SPTB: variants seen among roughly 807,000 people sequenced by gnomAD.
The protein encoded by SPTB is spectrin beta chain, erythrocytic.
A neutral mutation model predicts 256.2 loss-of-function variants in SPTB; 45 were observed. The observed-to-expected ratio is 0.18, with a 90% CI of 0.14 to 0.23. The LOEUF (loss-of-function observed/expected upper bound fraction) is 0.23, where lower values mean the gene tolerates loss of function less well. SPTB is among the 10% of genes least tolerant of loss of function. The pLI is 1.00. For missense variants in SPTB, 2,715 were observed against 3,040.4 expected, an observed-to-expected ratio of 0.89 and a Z score of 2.52; for synonymous variants, 1,231 against 1,243.1, an observed-to-expected ratio of 0.99 and a Z score of 0.21.
In SPTB at chr14:64,840,948, G is replaced by GAGCTTAT. The variant is rs763978852; in HGVS notation, c.-51-17810_-51-17804dup. Among the ~76,000 whole-genome samples, 78 of 152,306 alleles carry GAGCTTAT rather than the reference G, an allele frequency of 5.1e-4. 1 individual carries two copies. The Middle Eastern group carries it at 0.01, about 20-fold the overall frequency. On this transcript the variant is annotated intron_variant, in intron 1 of 35. Coordinates refer to ENST00000644917, the MANE Select transcript of SPTB (RefSeq NM_001355436.2). ...TATATATGTGTTCCTTAGCCTCAAG[G>GAGCTTAT]AGCTTATAGTCAGGAAGGTAATTTA...
intron 26 of SPTB, 81 bp from the exon 27 acceptor site, chr14:64,771,210 C>T: frequency 6.3e-7 from 1 of 1,598,360 alleles, no homozygotes; most frequent in Non-Finnish European, 8.5e-7. Context: ...AGGGCAGCTA[C>T]CTCCTCCTGG....
Position 64,769,084 on chromosome 14 carries a change from C to T in SPTB, c.5972G>A (p.Arg1991Lys), listed in dbSNP as rs368955956. ...TTCCCACTTCTCATTCATCTCTTTC[C>T]TCCTGGACATCACCTGCTGCAGTTT... ...REKLQQVMSRRKEMNEKWEAR... is the reference protein window; with the variant it reads ...REKLQQVMSRKKEMNEKWEAR... Residue 1991 changes from arginine (R) to lysine (K), a missense_variant, in exon 29 of 36, where the codon AGG becomes AAG. Arg to Lys is a conservative substitution (Grantham distance 26). This residue lies in a region of SPTB where 2,239 missense variants were observed against 2,384.4 expected (regional missense o/e 0.94). Coordinates refer to ENST00000644917, the MANE Select transcript of SPTB (RefSeq NM_001355436.2). The T allele has an allele frequency of 1.7e-5, 28 of 1,613,762 alleles. No individual in the cohort carries two copies. The highest frequency in any genetic ancestry group is 2.4e-5 in the Non-Finnish European group (28 of 1,180,026).
chr14:64,757,878 G>A (rs992151189), intron 32 of SPTB, among the ~76,000 whole-genome samples: 5 of 152,180 alleles, frequency 3.3e-5, no homozygotes, highest in Admixed American at 1.3e-4. Context: ...GCTCTCAGAC[G>A]GAGCTGGCCC....
rs756308980 is a variant in SPTB at position 64,759,003 on chromosome 14, G to C, written c.6346-5210C>G. Reference sequence around the variant, plus strand: ...GAGATGGGGTAGATGAAGCTGATGTGAGAAAAGAGATTCTCAGAATTCTAG... The same window carrying C: ...GAGATGGGGTAGATGAAGCTGATGTCAGAAAAGAGATTCTCAGAATTCTAG... On this transcript the variant is annotated intron_variant, in intron 32 of 35. Transcript: ENST00000644917. This position sits in a 1 kb window ranked among gnomAD's most constrained non-coding sequence, Gnocchi z 4.8. Among the ~76,000 whole-genome samples the C allele has an allele frequency of 6.6e-6, 1 of 152,192 alleles. No homozygotes were observed. Among genetic ancestry groups the C allele is most frequent in the Non-Finnish European group, 1.5e-5 (1 of 68,026 alleles).
intron 1 of SPTB, among the ~76,000 whole-genome samples, chr14:64,868,576 C>T (rs1882333527): frequency 6.6e-6 from 1 of 152,042 alleles, no homozygotes; most frequent in Admixed American, 6.6e-5. Context: ...ATTGGCAATC[C>T]CAACAAGTAA....
At position 64,774,991 on chromosome 14, in the gene SPTB, C is replaced by A; in HGVS notation, c.4842+134G>T. On this transcript the variant is annotated intron_variant, in intron 23 of 35. Transcript: ENST00000644917. ...GAGGCACCAAGGGAGGGCAGGGAGT[C>A]TGTGGGTTCCTTGTGCCCCTCCCCT... 4 of 1,284,132 alleles carry A rather than the reference C, an allele frequency of 3.1e-6. No homozygotes were observed. In the South Asian group the frequency reaches 5.0e-5, roughly 16 times the overall value. The allele number at this position is 1,284,132 out of a possible 1,614,324, so 79.5% of individuals were successfully genotyped here.
rs553224994 is a variant in SPTB, at chr14:64,748,769, G to C, written c.*537C>G. On this transcript the variant is annotated 3_prime_UTR_variant, in exon 36 of 36. Transcript: ENST00000644917. ...CCTGGCCCAGAGCTAGGGCTTTGTGGGCCACCTGAAGGCTCCTTCCTCATG... is the reference window on the plus strand; with the variant it reads ...CCTGGCCCAGAGCTAGGGCTTTGTGCGCCACCTGAAGGCTCCTTCCTCATG... The C allele has an allele frequency of 6.4e-5, 10 of 155,416 alleles. No individual in the cohort carries two copies. Among genetic ancestry groups the C allele is most frequent in the African/African-American group, 2.4e-4 (10 of 41,578 alleles). 9.6% of individuals were successfully genotyped at this position (155,416 alleles called of 1,614,324 possible).
At position 64,766,403 on chromosome 14, in the gene SPTB, G is replaced by A. The variant is rs2082182967; in HGVS notation, c.6345+323C>T. 3.7e-6 allele frequency: 5 copies of A among 1,364,494 alleles called. No individual in the cohort carries two copies. The African/African-American group carries it at 7.3e-5, about 20-fold the overall frequency. 84.5% of individuals were successfully genotyped at this position (1,364,494 alleles called of 1,614,324 possible). ...AATGCACTAATCATCTCTGGCTAGT[G>A]TTTCCCCTCATGTAAATGGTGATAT... On this transcript the variant is annotated intron_variant, in intron 32 of 35. Transcript: ENST00000644917.
At chr14:64,753,342 G>A (rs937491917) in intron 33 of SPTB, among the ~76,000 whole-genome samples, 195 bp downstream of exon 33, 1 of 152,162 alleles carries the variant, frequency 6.6e-6, no homozygotes, top group Non-Finnish European at 1.5e-5. Flanking sequence ...TTCAGGACCA[G>A]AACTGGAGAT....
rs1326438082 is a variant in SPTB, at chr14:64,875,004, G to T, written c.-52+4788C>A. On this transcript the variant is annotated intron_variant, in intron 1 of 35. Coordinates refer to ENST00000644917, the MANE Select transcript of SPTB (RefSeq NM_001355436.2). Reference sequence around the variant, plus strand: ...ATAACATTCAAATGAAAGAAAGGAAGCCCACTTTTGCCCCCACTGCTCACA... The same window carrying T: ...ATAACATTCAAATGAAAGAAAGGAATCCCACTTTTGCCCCCACTGCTCACA... 2.6e-5 allele frequency among the ~76,000 whole-genome samples: 4 copies of T among 152,160 alleles called. No homozygotes were observed. The East Asian group carries it at 7.7e-4, about 29-fold the overall frequency.
intron 32 of SPTB, among the ~76,000 whole-genome samples, chr14:64,761,930 T>C (rs2139456274): frequency 6.6e-6 from 1 of 152,272 alleles, no homozygotes; most frequent in South Asian, 2.1e-4. Context: ...AGTCTCATCC[T>C]GAGGCCATCA....
Position 64,790,887 on chromosome 14 carries a change from G to A in SPTB, c.2804+832C>T, listed in dbSNP as rs146591647. ...CACCCCCTCTCTAAAGGCTCCTTGG[G>A]GCCTATTTTTTGTTCTGGCCACAAA... On this transcript the variant is annotated intron_variant, in intron 15 of 35. Transcript: ENST00000644917. This position sits in a 1 kb window ranked among gnomAD's most constrained non-coding sequence, Gnocchi z 4.8. 1.2e-3 allele frequency among the ~76,000 whole-genome samples: 184 copies of A among 152,250 alleles called. 5 individuals are homozygous for A. The East Asian group carries it at 0.033, about 27-fold the overall frequency.
At position 64,801,792 on chromosome 14, in the gene SPTB, C is replaced by G. The variant is rs74666863; in HGVS notation, c.609G>C (p.Lys203Asn). Residue 203 changes from lysine to asparagine, a missense_variant, in exon 6 of 36, where the codon AAG (lysine) becomes AAC (asparagine). Coordinates refer to ENST00000644917, the MANE Select transcript of SPTB (RefSeq NM_001355436.2). ...TCAGGGCATTAAAGGCCAAGCCATC[C>G]TTCCAGCTGGAGGTAAAGTTGGTGA... ...VNVTNFTSSW[K>N]DGLAFNALIH... 6.2e-7 allele frequency: 1 copy of G among 1,614,222 alleles called. No homozygotes were observed. Among genetic ancestry groups the G allele is most frequent in the South Asian group, 1.1e-5 (1 of 91,078 alleles).
At chr14:64,754,240 G>A (rs2081991890) in intron 32 of SPTB, 6 of 296,210 alleles carry the variant, frequency 2.0e-5, no homozygotes, top group Admixed American at 4.5e-5. Flanking sequence ...ACCACTTATA[G>A]TAGAATGTTG....
At chr14:64,821,872 C>A (rs186132640) in intron 2 of SPTB, among the ~76,000 whole-genome samples, 1 of 152,108 alleles carries the variant, frequency 6.6e-6, no homozygotes, top group Admixed American at 6.5e-5. Flanking sequence ...TCATTATGGT[C>A]CCAGAGGGGT....
rs148502961 is a variant in SPTB at position 64,847,364 on chromosome 14, G to C, written c.-51-24219C>G. Among the ~76,000 whole-genome samples, 2 of 152,280 alleles carry C rather than the reference G, an allele frequency of 1.3e-5. No homozygotes were observed. The highest frequency in any genetic ancestry group is 3.9e-4 in the East Asian group (2 of 5,184). ...ATCAGACAGCCCTCTTCCAAGTGTC[G>C]TATCATGTCTCAGGCTAAGAGGACC... On this transcript the variant is annotated intron_variant, in intron 1 of 35. Transcript: ENST00000644917. The surrounding 1 kb of genome is among the most constrained non-coding windows in gnomAD (Gnocchi z 5.9).
intron 1 of SPTB, among the ~76,000 whole-genome samples, chr14:64,842,027 G>A (rs375148341): frequency 6.6e-6 from 1 of 152,220 alleles, no homozygotes; most frequent in African/African-American, 2.4e-5. Context: ...GTCACACTGA[G>A]CTGCTTGCAA....
At chr14:64,834,615 G>A (rs571930304) in intron 1 of SPTB, among the ~76,000 whole-genome samples, 25 of 151,898 alleles carry the variant, frequency 1.6e-4, no homozygotes, top group African/African-American at 4.6e-4. Context: ...TTGTAGAGGC[G>A]GTGTTTCACC....
At chr14:64,817,672 C>T (rs1489704220) in intron 2 of SPTB, among the ~76,000 whole-genome samples, 1 of 152,252 alleles carries the variant, frequency 6.6e-6, no homozygotes. Context: ...TCCTAGGCAA[C>T]TGGGGCACCT....
Sources: gnomAD v4.1 joint callset for allele counts (sites outside exome capture counted in the v4.1 genomes callset) on GRCh38, gnomAD v4.1.1 for gene constraint, gnomAD v4.1.1 regional missense constraint, Gnocchi (gnomAD v3.1) non-coding constraint, MANE v1.5 for transcripts, NCBI Gene and HGNC (gene_info 2026-07-23, HGNC 2026-07-21) for gene names.